NDUFAF7: variants seen among roughly 807,000 people sequenced by gnomAD.
NDUFAF7 encodes the protein NADH:ubiquinone oxidoreductase complex assembly factor 7.
A neutral mutation model predicts 47.2 loss-of-function variants in NDUFAF7; 48 were observed. That is an observed-to-expected ratio of 1.02 (90% confidence interval 0.81 to 1.29). NDUFAF7 has a LOEUF of 1.29. Ranked by LOEUF, NDUFAF7 falls within the 50% of genes most tolerant of loss-of-function variation. The pLI, the probability that NDUFAF7 is intolerant of heterozygous loss-of-function variation, is 0.00. For missense variants in NDUFAF7, 635 were observed against 537.6 expected (o/e 1.18, Z -1.79); for synonymous variants, 217 against 190.0 (o/e 1.14, Z -1.17).
chr2:37,260,286 T>A, the NDUFAF7 span: 1 of 1,610,572 alleles, frequency 6.2e-7, no homozygotes, highest in South Asian at 1.1e-5. Context: ...ATAGAATCAT[T>A]TCCAACATAT....
At chr2:37,271,358 G>A in the NDUFAF7 span, among the ~76,000 whole-genome samples, 6 of 152,090 alleles carry the variant, frequency 3.9e-5, no homozygotes, top group Admixed American at 2.6e-4. Flanking sequence ...AATATTCTGT[G>A]ACATGTAAAT....
Position 37,242,698 on chromosome 2 carries a change from T to G in NDUFAF7, c.681+5T>G. The stretch of plus-strand genomic sequence containing the variant: ...CTTCCTGTGCATAAATTTCAGGTAT[T>G]GAGGGGGGAAAAAAGTCATGTCTAT... On this transcript the variant is annotated splice_donor_5th_base_variant and intron_variant, in intron 6 of 9. Coordinates refer to ENST00000002125, the MANE Select transcript of NDUFAF7 (RefSeq NM_144736.5). 1 of 1,590,136 alleles carries G rather than the reference T, an allele frequency of 6.3e-7. No individual in the cohort carries two copies. Among genetic ancestry groups the G allele is most frequent in the Non-Finnish European group, 8.6e-7 (1 of 1,158,466 alleles).
chr2:37,247,617 T>C lies in NDUFAF7; in HGVS notation c.1098T>C (p.Asp366=), dbSNP rs143638194. The change falls in exon 9 of 10, where the codon GAT becomes GAC. Residue 366 remains aspartate, a synonymous_variant. Coordinates refer to ENST00000002125, the MANE Select transcript of NDUFAF7 (RefSeq NM_144736.5). The part of the protein sequence containing the change: ...QHTFLKNMGI[D]VRLKVLLDKS... Reference sequence around the variant, plus strand: ...CATTTTTAAAAAATATGGGTATTGATGTCCGGCTGAAGGTAAGGTTTATTT... The same window carrying C: ...CATTTTTAAAAAATATGGGTATTGACGTCCGGCTGAAGGTAAGGTTTATTT... 1 of 1,613,816 alleles carries C rather than the reference T, an allele frequency of 6.2e-7. No individual in the cohort carries two copies. Among genetic ancestry groups the C allele is most frequent in the Non-Finnish European group, 8.5e-7 (1 of 1,179,914 alleles).
chr2:37,269,555 T>C, the NDUFAF7 span: 6 of 1,441,826 alleles, frequency 4.2e-6, no homozygotes, highest in Non-Finnish European at 4.9e-6. Flanking sequence ...TGGCAGATGT[T>C]TTACATTTTC....
chr2:37,247,121 T>A (rs982532185), intron 8 of NDUFAF7, among the ~76,000 whole-genome samples: 1 of 140,290 alleles, frequency 7.1e-6, no homozygotes, highest in Non-Finnish European at 1.5e-5. Context: ...TGTTTAGCTC[T>A]AAGTGAGATG....
At chr2:37,246,471 C>T (rs574254627) in intron 8 of NDUFAF7, among the ~76,000 whole-genome samples, 2 of 152,216 alleles carry the variant, frequency 1.3e-5, no homozygotes, top group East Asian at 3.9e-4. Context: ...CTGAATAATA[C>T]AAATGGAAAG....
intron 5 of NDUFAF7, 59 bp from the exon 6 acceptor site, chr2:37,242,576 C>T: frequency 1.5e-6 from 2 of 1,372,266 alleles, no homozygotes; most frequent in Non-Finnish European, 2.1e-6. Context: ...AGTTAATATT[C>T]AAAAGAATTA....
downstream of NDUFAF7, chr2:37,256,609 C>G (rs1332199689): frequency 4.8e-6 from 7 of 1,444,120 alleles, no homozygotes; most frequent in Non-Finnish European, 6.3e-6. Flanking sequence ...GATGTTTAGG[C>G]TTAAAACACA....
downstream of NDUFAF7, chr2:37,251,478 A>C (rs1667487860): frequency 6.6e-6 from 1 of 152,606 alleles, no homozygotes; most frequent in African/African-American, 2.4e-5. Flanking sequence ...GGGTAAACTA[A>C]AACATAAAAG....
chr2:37,237,604 G>C (rs1171620959), intron 3 of NDUFAF7, among the ~76,000 whole-genome samples, 153 bp from the exon 4 acceptor site: 1 of 152,172 alleles, frequency 6.6e-6, no homozygotes, highest in Non-Finnish European at 1.5e-5. Flanking sequence ...AAGTTCCTAT[G>C]TGAACATGTA....
Position 37,248,345 on chromosome 2 carries a change from C to T in NDUFAF7, c.1321C>T (p.Gln441Ter). ...VVAGFSELAW[Q>*] is the part of the protein sequence containing the mutation. ...AGCTGGGTTTAGTGAACTTGCTTGG[C>T]AGTGATATTTCAGCTTGGACATTTT... The change falls in exon 10 of 10, where the codon CAG becomes TAG. Residue 441 changes from glutamine to a stop codon, truncating the protein, a stop_gained. Coordinates refer to ENST00000002125, the MANE Select transcript of NDUFAF7 (RefSeq NM_144736.5). LOFTEE classifies it high-confidence loss of function. 6.2e-7 allele frequency: 1 copy of T among 1,613,284 alleles called. No homozygotes were observed. Among genetic ancestry groups the T allele is most frequent in the East Asian group, 2.2e-5 (1 of 44,862 alleles).
the NDUFAF7 span, chr2:37,267,361 AAG>A: frequency 2.7e-6 from 3 of 1,104,748 alleles, no homozygotes; most frequent in Non-Finnish European, 3.9e-6. Context: ...AAAAAAAAAA[AAG>A]AGAAGCAGTT....
the NDUFAF7 span, among the ~76,000 whole-genome samples, chr2:37,262,456 C>T: frequency 6.6e-6 from 1 of 152,178 alleles, no homozygotes; most frequent in African/African-American, 2.4e-5. Flanking sequence ...GCAAAATAGA[C>T]TTGTTTGCTA....
At chr2:37,265,038 C>G in the NDUFAF7 span, among the ~76,000 whole-genome samples, 3 of 152,134 alleles carry the variant, frequency 2.0e-5, no homozygotes, top group East Asian at 5.8e-4. Context: ...CATCTTTTCT[C>G]TAAGTATGTG....
At chr2:37,249,798 T>A (rs1210791072), downstream of NDUFAF7, among the ~76,000 whole-genome samples, 1 of 152,158 alleles carries the variant, frequency 6.6e-6, no homozygotes, top group Non-Finnish European at 1.5e-5. Flanking sequence ...AATTATTAAT[T>A]AGCAACACAG....
downstream of NDUFAF7, chr2:37,252,847 T>TTATATATTTA (rs1553362999): frequency 6.9e-6 from 1 of 145,014 alleles, no homozygotes; most frequent in East Asian, 2.0e-4. Context: ...ATATTTATAT[T>TTATATATTTA]TATATATATA....
At chr2:37,263,330 C>T in the NDUFAF7 span, among the ~76,000 whole-genome samples, 1 of 152,116 alleles carries the variant, frequency 6.6e-6, no homozygotes, top group African/African-American at 2.4e-5. Context: ...TAATTTATTT[C>T]TGCTTTAATG....
downstream of NDUFAF7, chr2:37,256,780 G>T: frequency 6.2e-7 from 1 of 1,613,690 alleles, no homozygotes; most frequent in East Asian, 2.2e-5. Context: ...TCACATAGAT[G>T]ATAACTCCCA....
Position 37,232,284 on chromosome 2 carries a change from C to A in NDUFAF7, c.216+18C>A. 1 of 1,612,172 alleles carries A rather than the reference C, an allele frequency of 6.2e-7. No individual in the cohort carries two copies. The highest frequency in any genetic ancestry group is 8.5e-7 in the Non-Finnish European group (1 of 1,179,884). On this transcript the variant is annotated intron_variant, in intron 2 of 9. Coordinates refer to ENST00000002125, the MANE Select transcript of NDUFAF7 (RefSeq NM_144736.5). ...CAGCCAAGGTATGGGTCGGGTAGCC[C>A]GAGGACTAGGCCCTCTCTAGCCGAT...
Sources: gnomAD v4.1 joint callset for allele counts (sites outside exome capture counted in the v4.1 genomes callset) on GRCh38, gnomAD v4.1.1 for gene constraint, MANE v1.5 for transcripts, NCBI Gene and HGNC (gene_info 2026-07-23, HGNC 2026-07-21) for gene names.